Variants in PTH2R observed in about 807,000 individuals in gnomAD.
PTH2R encodes parathyroid hormone 2 receptor.
A neutral mutation model predicts 60.3 loss-of-function variants in PTH2R; 59 were observed. The observed-to-expected ratio is 0.98, with a 90% CI of 0.79 to 1.22. The LOEUF (loss-of-function observed/expected upper bound fraction) is 1.22, where lower values mean the gene tolerates loss of function less well. Among genes scored for constraint, PTH2R ranks in the 50% most tolerant of loss-of-function variants. The pLI is 0.00. For missense variants in PTH2R, 749 were observed against 682.6 expected, an observed-to-expected ratio of 1.10 and a Z score of -1.08; for synonymous variants, 256 against 243.8, an observed-to-expected ratio of 1.05 and a Z score of -0.47.
At chr2:208,482,721 T>A (rs766885432) in intron 10 of PTH2R, among the ~76,000 whole-genome samples, 157 of 151,836 alleles carry the variant, frequency 1.0e-3, no homozygotes, top group Non-Finnish European at 1.8e-3. Context: ...CAGAAGGGAG[T>A]ATGCCTTAAC....
chr2:208,427,971 TCTCA>T (rs1268334082), intron 1 of PTH2R, among the ~76,000 whole-genome samples: 1 of 152,032 alleles, frequency 6.6e-6, no homozygotes, highest in African/African-American at 2.4e-5. Context: ...ATTAAAATTT[TCTCA>T]CTTTTTCTGG....
chr2:208,449,454 A>AATAGATAGATAGATAGATAGATAGATAG (rs34534103), intron 7 of PTH2R, among the ~76,000 whole-genome samples: 1 of 150,312 alleles, frequency 6.7e-6, no homozygotes, highest in African/African-American at 2.5e-5. Context: ...TAGATAGATA[A>AATAGATAGATAGATAGATAGATAGATAG]ATAGATAGAT....
chr2:208,361,441 C>T (rs572460988), intron 1 of PTH2R: 8 of 152,308 alleles, frequency 5.3e-5, no homozygotes, highest in African/African-American at 1.4e-4. Context: ...CCAACCAGTG[C>T]TCTGGTTTTT....
upstream of PTH2R, among the ~76,000 whole-genome samples, chr2:208,403,223 T>C (rs569068274): frequency 6.6e-5 from 10 of 152,342 alleles, no homozygotes; most frequent in Admixed American, 1.3e-4. Context: ...ACGTTTTCCA[T>C]GGAGGCAGTA....
Position 208,420,193 on chromosome 2 carries a change from A to G in PTH2R, c.76-8008A>G, listed in dbSNP as rs534456149. Among the ~76,000 whole-genome samples, 3 of 152,194 alleles carry G rather than the reference A, an allele frequency of 2.0e-5. No homozygotes were observed. In the East Asian group the frequency reaches 5.8e-4, roughly 29 times the overall value. ...GAGATATACTTAATGCTAAATGACG[A>G]GTTAATGGGTGCAGCACAGCAACAT... On this transcript the variant is annotated intron_variant, in intron 1 of 12. Coordinates refer to ENST00000272847, the MANE Select transcript of PTH2R (RefSeq NM_005048.4).
At chr2:208,373,478 G>T (rs188482306) in intron 1 of PTH2R, among the ~76,000 whole-genome samples, 7 of 152,194 alleles carry the variant, frequency 4.6e-5, no homozygotes, top group Non-Finnish European at 1.0e-4. Context: ...AAATATGTGT[G>T]CCAGGGTGGA....
chr2:208,424,033 T>C (rs1032434391), intron 1 of PTH2R, among the ~76,000 whole-genome samples: 7 of 152,148 alleles, frequency 4.6e-5, no homozygotes, highest in African/African-American at 1.7e-4. Flanking sequence ...CTGCTCCTCA[T>C]GTGGCCTCCA....
At chr2:208,361,761 CTT>C (rs80313864) in intron 1 of PTH2R, among the ~76,000 whole-genome samples, 1,522 of 144,376 alleles carry the variant, frequency 0.011, 10 homozygotes, top group Middle Eastern at 0.014. Flanking sequence ...TCAAGATTTC[CTT>C]TTTTTTTTTT....
chr2:208,473,119 A>G (rs1453422459), intron 9 of PTH2R, among the ~76,000 whole-genome samples: 1 of 152,072 alleles, frequency 6.6e-6, no homozygotes, highest in Middle Eastern at 3.2e-3. Context: ...TCCATTTCCA[A>G]CCCTTCTGAA....
chr2:208,407,709 C>A (rs1166171946), intron 1 of PTH2R, among the ~76,000 whole-genome samples: 1 of 152,024 alleles, frequency 6.6e-6, no homozygotes, highest in Non-Finnish European at 1.5e-5. Context: ...CGATCTTTCA[C>A]AATGAAGCCT....
At chr2:208,416,543 A>G (rs561348184) in intron 1 of PTH2R, among the ~76,000 whole-genome samples, 1 of 152,346 alleles carries the variant, frequency 6.6e-6, no homozygotes, top group South Asian at 2.1e-4. Flanking sequence ...AAATGTTGAA[A>G]TTAGGTGAAC....
At chr2:208,378,687 C>T (rs542893092) in intron 1 of PTH2R, among the ~76,000 whole-genome samples, 3 of 152,164 alleles carry the variant, frequency 2.0e-5, no homozygotes, top group East Asian at 1.9e-4. Flanking sequence ...CACTACATAC[C>T]GAATCTACAA....
chr2:208,469,131 C>T (rs1343834178), intron 9 of PTH2R, among the ~76,000 whole-genome samples: 1 of 152,204 alleles, frequency 6.6e-6, no homozygotes, highest in African/African-American at 2.4e-5. Flanking sequence ...GTTCTTTTCA[C>T]TTGCTTTCTA....
chr2:208,424,974 C>T (rs1701828259), intron 1 of PTH2R, among the ~76,000 whole-genome samples: 1 of 151,946 alleles, frequency 6.6e-6, no homozygotes, highest in Non-Finnish European at 1.5e-5. Flanking sequence ...AAGCCTGAGG[C>T]CAAGAAACTA....
chr2:208,456,080 A>C (rs1005039557), intron 8 of PTH2R, among the ~76,000 whole-genome samples: 2 of 152,072 alleles, frequency 1.3e-5, no homozygotes, highest in African/African-American at 4.8e-5. Flanking sequence ...CTCTACTAAA[A>C]ATGCAAAAAA....
chr2:208,467,132 T>G (rs537213614), intron 9 of PTH2R, among the ~76,000 whole-genome samples: 4 of 152,322 alleles, frequency 2.6e-5, no homozygotes, highest in Admixed American at 2.0e-4. Flanking sequence ...TGTCAGACTT[T>G]CCTTAAATTT....
intron 1 of PTH2R, 47 bp from the exon 2 acceptor site, chr2:208,428,154 C>A: frequency 7.0e-7 from 1 of 1,430,908 alleles, no homozygotes; most frequent in Non-Finnish European, 9.8e-7. Flanking sequence ...TGTATCCTGG[C>A]TTGAAAAAAC....
chr2:208,379,543 T>C (rs1345546074), intron 1 of PTH2R, among the ~76,000 whole-genome samples: 2 of 152,144 alleles, frequency 1.3e-5, no homozygotes, highest in Non-Finnish European at 2.9e-5. Flanking sequence ...TTTTGGGTTT[T>C]AATAATTAAA....
intron 1 of PTH2R, among the ~76,000 whole-genome samples, chr2:208,421,717 A>C (rs1701760133): frequency 6.6e-6 from 1 of 152,202 alleles, no homozygotes; most frequent in Non-Finnish European, 1.5e-5. Context: ...ATTTAAGAAA[A>C]GGAAAATAAA....
Sources: gnomAD v4.1 joint callset for allele counts (sites outside exome capture counted in the v4.1 genomes callset) on GRCh38, gnomAD v4.1.1 for gene constraint, MANE v1.5 for transcripts, NCBI Gene and HGNC (gene_info 2026-07-23, HGNC 2026-07-21) for gene names.